The following ZNF420 variants were observed in gnomAD, a reference collection of about 807,000 sequenced individuals.
The protein encoded by ZNF420 is ATM and p53-associated KZNF protein.
A neutral mutation model predicts 44.7 loss-of-function variants in ZNF420; 31 were observed. The ratio of observed to expected loss-of-function variants is 0.69; its 90% CI spans 0.52 to 0.94. ZNF420 has a LOEUF of 0.94. Ranked by LOEUF, ZNF420 falls within the 40% of genes least tolerant of loss-of-function variation. The probability of loss-of-function intolerance (pLI) is 0.00; values close to 1 mark genes in which losing one functional copy is unlikely to be tolerated. For synonymous variants in ZNF420, 245 were observed against 267.4 expected (o/e 0.92, Z 0.82); for missense variants, 681 against 827.9 (o/e 0.82, Z 2.18).
At chr19:37,105,674 A>T (rs903476055) in intron 4 of ZNF420, among the ~76,000 whole-genome samples, 1 of 152,120 alleles carries the variant, frequency 6.6e-6, no homozygotes, top group South Asian at 2.1e-4. Context: ...TGAGCATGGA[A>T]TGTTCTTCCA....
intron 4 of ZNF420, among the ~76,000 whole-genome samples, chr19:37,114,075 C>T (rs1158704053): frequency 2.0e-5 from 3 of 152,080 alleles, no homozygotes; most frequent in Admixed American, 6.5e-5. Flanking sequence ...CTAGGGGAGG[C>T]GCTCCCTCTT....
At chr19:37,111,958 AT>A (rs1459238095) in intron 4 of ZNF420, among the ~76,000 whole-genome samples, 3 of 151,864 alleles carry the variant, frequency 2.0e-5, no homozygotes, top group African/African-American at 7.3e-5. Flanking sequence ...CATCTGCTGG[AT>A]TTTTTCTGAA....
At chr19:37,041,167 T>C (rs1285331341) in intron 1 of ZNF420, among the ~76,000 whole-genome samples, 1 of 151,626 alleles carries the variant, frequency 6.6e-6, no homozygotes, top group Non-Finnish European at 1.5e-5. Context: ...CTACTAAAAA[T>C]AAAAAATTAG....
chr19:37,051,697 G>GTT, intron 1 of ZNF420, among the ~76,000 whole-genome samples: 1 of 152,000 alleles, frequency 6.6e-6, no homozygotes, highest in East Asian at 1.9e-4. Context: ...TTTTTTGAAG[G>GTT]GTTTTTTGTG....
intron 1 of ZNF420, among the ~76,000 whole-genome samples, chr19:37,060,007 G>A (rs530400852): frequency 7.2e-5 from 11 of 152,146 alleles, no homozygotes; most frequent in South Asian, 4.2e-4. Flanking sequence ...TGTCGTTGGC[G>A]AGCCTTTTTC....
intron 4 of ZNF420, chr19:37,091,851 C>G (rs1969166327): frequency 1.3e-5 from 2 of 148,270 alleles, no homozygotes. Flanking sequence ...TGCTTGAACC[C>G]ATGAGGTGGA....
chr19:37,075,658 C>G (rs1389972287), upstream of ZNF420, among the ~76,000 whole-genome samples: 1 of 152,148 alleles, frequency 6.6e-6, no homozygotes, highest in African/African-American at 2.4e-5. Flanking sequence ...AGGAGAATCA[C>G]TTGAACCCGG....
intron 4 of ZNF420, among the ~76,000 whole-genome samples, chr19:37,117,259 C>A (rs1970746911): frequency 6.6e-6 from 1 of 152,182 alleles, no homozygotes; most frequent in Non-Finnish European, 1.5e-5. Context: ...GACAAAACTT[C>A]CAGAGGAACG....
Position 37,021,936 on chromosome 19 carries a change from CAAAAAAA to C in ZNF420, c.-125+13875_-125+13881del, listed in dbSNP as rs60559933. Among the ~76,000 whole-genome samples, 28 of 84,582 alleles carry C rather than the reference CAAAAAAA, an allele frequency of 3.3e-4. No homozygotes were observed. The South Asian group carries it at 0.01, about 31-fold the overall frequency. The allele number at this position is 84,582 out of a possible 152,430, so 55.5% of individuals were successfully genotyped here. A position where few individuals can be genotyped will look rare whatever the true frequency, so the allele number is the denominator to read the frequency against. ...TGAGCAACAGAGCGACAGTCTGTCT[CAAAAAAA>C]AAAAAAAAAAAAAAAAAAAAGAAAA... On this transcript the variant is annotated intron_variant, in intron 1 of 4. Transcript: ENST00000587029.
At chr19:37,037,274 A>G (rs1263699889) in intron 1 of ZNF420, among the ~76,000 whole-genome samples, 1 of 152,208 alleles carries the variant, frequency 6.6e-6, no homozygotes, top group East Asian at 1.9e-4. Context: ...GCCGGGGTAC[A>G]GTCAGTGGAG....
intron 4 of ZNF420, chr19:37,114,925 A>G (rs1970577965): frequency 6.5e-6 from 1 of 153,080 alleles, no homozygotes; most frequent in East Asian, 1.9e-4. Flanking sequence ...TCTAGAAACC[A>G]TGGGCAGAAT....
At chr19:37,026,180 G>A (rs10416074) in intron 1 of ZNF420, among the ~76,000 whole-genome samples, 24,524 of 151,278 alleles carry the variant, frequency 0.16, 2,113 homozygotes, top group African/African-American at 0.23. Context: ...GCGGGGGTGG[G>A]GTTGGGGGGT....
chr19:37,112,840 G>A (rs1737871232), intron 4 of ZNF420, among the ~76,000 whole-genome samples: 1 of 152,174 alleles, frequency 6.6e-6, no homozygotes, highest in Non-Finnish European at 1.5e-5. Flanking sequence ...ATTTAGACTC[G>A]ATCTTCCTGA....
At chr19:37,014,803 G>A (rs551914526) in intron 1 of ZNF420, among the ~76,000 whole-genome samples, 1 of 152,280 alleles carries the variant, frequency 6.6e-6, no homozygotes, top group East Asian at 1.9e-4. Flanking sequence ...AGTGTGTAGA[G>A]TTGGGCTGAT....
At chr19:37,122,809 C>T (rs1218742642) in intron 4 of ZNF420, among the ~76,000 whole-genome samples, 2 of 152,126 alleles carry the variant, frequency 1.3e-5, no homozygotes, top group Non-Finnish European at 2.9e-5. Flanking sequence ...AAGGTACGCC[C>T]TGGGTGACCT....
intron 4 of ZNF420, among the ~76,000 whole-genome samples, chr19:37,116,368 CAAAAAAA>C (rs57611154): frequency 7.1e-4 from 54 of 75,918 alleles, no homozygotes; most frequent in African/African-American, 1.4e-3. Context: ...GACTCCACCT[CAAAAAAA>C]AAAAAAAAAA....
chr19:37,060,064 T>C (rs112523979), intron 1 of ZNF420, among the ~76,000 whole-genome samples: 2,449 of 152,058 alleles, frequency 0.016, 28 homozygotes, highest in South Asian at 0.053. Flanking sequence ...TTCGCGGCGG[T>C]TGCACTTCGG....
chr19:37,056,065 T>C (rs1309555036), intron 1 of ZNF420, among the ~76,000 whole-genome samples: 1 of 151,426 alleles, frequency 6.6e-6, no homozygotes, highest in Non-Finnish European at 1.5e-5. Context: ...CATTCTCTCT[T>C]CTCTCTCTGT....
chr19:37,078,968 T>G (rs1968271287), intron 1 of ZNF420, among the ~76,000 whole-genome samples: 1 of 152,172 alleles, frequency 6.6e-6, no homozygotes, highest in African/African-American at 2.4e-5. Context: ...AAATTTAAGG[T>G]GTGTGACAGT....
Sources: gnomAD v4.1 joint callset for allele counts (sites outside exome capture counted in the v4.1 genomes callset) on GRCh38, gnomAD v4.1.1 for gene constraint, MANE v1.5 for transcripts, NCBI Gene and HGNC (gene_info 2026-07-23, HGNC 2026-07-21) for gene names.